Variants in MDGA2 observed in about 807,000 individuals in gnomAD.
The protein encoded by MDGA2 is MAM domain containing glycosylphosphatidylinositol anchor 2.
MDGA2 carries 40 observed loss-of-function variants against 117.8 expected under a neutral mutation model. That is an observed-to-expected ratio of 0.34 (90% confidence interval 0.26 to 0.44). The LOEUF (loss-of-function observed/expected upper bound fraction) is 0.44, where lower values mean the gene tolerates loss of function less well. Among genes scored for constraint, MDGA2 ranks in the 20% least tolerant of loss-of-function variants. The probability of loss-of-function intolerance (pLI) is 1.00; values close to 1 mark genes in which losing one functional copy is unlikely to be tolerated. For missense variants in MDGA2, 1,123 were observed against 1,250.6 expected (o/e 0.90, Z 1.54); for synonymous variants, 452 against 439.0 (o/e 1.03, Z -0.37).
At chr14:47,255,849 A>T (rs1046032597) in intron 2 of MDGA2, among the ~76,000 whole-genome samples, 1 of 151,982 alleles carries the variant, frequency 6.6e-6, no homozygotes, top group Non-Finnish European at 1.5e-5. Context: ...TGTCTGGTAA[A>T]TGAGATCATA....
Position 46,841,700 on chromosome 14 carries a change from T to C in MDGA2, c.*231A>G. The C allele has an allele frequency of 6.7e-6, 2 of 298,644 alleles. No individual in the cohort carries two copies. The highest frequency in any genetic ancestry group is 1.6e-4 in the South Asian group (1 of 6,256). 18.5% of individuals were successfully genotyped at this position (298,644 alleles called of 1,614,324 possible). On this transcript the variant is annotated 3_prime_UTR_variant, in exon 17 of 17. Transcript: ENST00000399232. ...TTAGCCACAAAAGCACCTGAAGGTC[T>C]CTTCTCTACTCAGGTCAAGATTATC...
At chr14:47,103,228 T>A (rs1043487342) in intron 5 of MDGA2, among the ~76,000 whole-genome samples, 1 of 152,228 alleles carries the variant, frequency 6.6e-6, no homozygotes. Context: ...GCTTACAGAT[T>A]CAAGGAATAG....
At chr14:46,964,986 C>G (rs980886552) in intron 8 of MDGA2, among the ~76,000 whole-genome samples, 11 of 111,290 alleles carry the variant, frequency 9.9e-5, no homozygotes, top group African/African-American at 2.6e-4. Flanking sequence ...TGCAGTGGCA[C>G]GATCTCGGCT....
chr14:47,407,371 T>A (rs1027546452), intron 1 of MDGA2, among the ~76,000 whole-genome samples: 1 of 152,180 alleles, frequency 6.6e-6, no homozygotes, highest in Non-Finnish European at 1.5e-5. Flanking sequence ...GGTTTTATTT[T>A]CAGTCATTTT....
At chr14:47,467,805 G>T (rs958268406) in intron 1 of MDGA2, among the ~76,000 whole-genome samples, 2 of 152,022 alleles carry the variant, frequency 1.3e-5, no homozygotes, top group African/African-American at 2.4e-5. Context: ...ATATCATTTT[G>T]TATTATTTAA....
At chr14:47,463,618 TGTAAAGAGAGGG>T (rs1566469903) in intron 1 of MDGA2, among the ~76,000 whole-genome samples, 1 of 152,064 alleles carries the variant, frequency 6.6e-6, no homozygotes, top group African/African-American at 2.4e-5. Context: ...AATTCACATA[TGTAAAGAGAGGG>T]GTAGGGGATT....
At chr14:47,560,802 C>T (rs928617160) in intron 1 of MDGA2, among the ~76,000 whole-genome samples, 17 of 151,928 alleles carry the variant, frequency 1.1e-4, no homozygotes, top group African/African-American at 3.9e-4. Context: ...CCTAGGTAAT[C>T]CTCCAAGGTT....
At position 47,101,764 on chromosome 14, in the gene MDGA2, G is replaced by C. The variant is rs544851928; in HGVS notation, c.926-4641C>G. 2.6e-5 allele frequency among the ~76,000 whole-genome samples: 4 copies of C among 152,242 alleles called. No homozygotes were observed. The East Asian group carries it at 7.7e-4, about 29-fold the overall frequency. On this transcript the variant is annotated intron_variant, in intron 5 of 16. Coordinates refer to ENST00000399232, the MANE Select transcript of MDGA2 (RefSeq NM_001113498.3). ...ATCTCCTAGAATTTAAATTAAGTGG[G>C]AATTCCAAATTGATAAAGTTTTCTG...
intron 6 of MDGA2, among the ~76,000 whole-genome samples, chr14:47,085,438 C>T (rs1027207866): frequency 6.6e-6 from 1 of 152,066 alleles, no homozygotes; most frequent in Non-Finnish European, 1.5e-5. Flanking sequence ...ATGATATTGA[C>T]ACAGATGATC....
At chr14:47,051,855 C>A (rs540571310) in intron 7 of MDGA2, among the ~76,000 whole-genome samples, 1 of 151,956 alleles carries the variant, frequency 6.6e-6, no homozygotes, top group Non-Finnish European at 1.5e-5. Flanking sequence ...GTAGTGTCAT[C>A]TGTGACCATA....
intron 2 of MDGA2, among the ~76,000 whole-genome samples, chr14:47,259,136 C>A (rs1453351041): frequency 4.0e-5 from 6 of 151,664 alleles, no homozygotes; most frequent in Admixed American, 6.6e-5. Flanking sequence ...TGTTGTTTTC[C>A]AAGGAGTAAT....
chr14:47,609,427 T>TCATATATATATATATATA (rs1896799546), intron 1 of MDGA2, among the ~76,000 whole-genome samples: 1 of 6,946 alleles, frequency 1.4e-4, no homozygotes, highest in East Asian at 6.6e-3. Context: ...TAGTATTCCA[T>TCATATATATATATATATA]CATATATATA....
At chr14:46,860,294 C>T (rs2138318894) in intron 14 of MDGA2, among the ~76,000 whole-genome samples, 1 of 152,034 alleles carries the variant, frequency 6.6e-6, no homozygotes, top group East Asian at 1.9e-4. Flanking sequence ...ATATAATCAG[C>T]ACATTTATTA....
At chr14:47,319,508 G>T (rs539223436) in intron 1 of MDGA2, among the ~76,000 whole-genome samples, 4 of 152,194 alleles carry the variant, frequency 2.6e-5, no homozygotes, top group Non-Finnish European at 4.4e-5. Context: ...GCTAACACAT[G>T]CTACTAAACT....
At position 47,674,730 on chromosome 14, in the gene MDGA2, G is replaced by T; in HGVS notation, c.67C>A (p.Arg23=). 1.3e-6 allele frequency: 1 copy of T among 784,950 alleles called. No homozygotes were observed. Among genetic ancestry groups the T allele is most frequent in the Non-Finnish European group, 2.2e-6 (1 of 452,808 alleles). 48.6% of individuals were successfully genotyped at this position (784,950 alleles called of 1,614,324 possible). The change falls in exon 1 of 17, where the codon CGG becomes AGG. Residue 23 remains arginine (R), a synonymous_variant. Coordinates refer to ENST00000399232, the MANE Select transcript of MDGA2 (RefSeq NM_001113498.3). The part of the protein sequence containing the change: ...RRRRRGRTDG[R]RFLLRRAVPG... ...ACCGCTCGCCGAAGGAGGAAGCGCC[G>T]TCCGTCTGTCCTTCCCCGGCGGCGG...
chr14:47,470,253 A>G, intron 1 of MDGA2, among the ~76,000 whole-genome samples: 1 of 128,968 alleles, frequency 7.8e-6, no homozygotes, highest in Admixed American at 9.2e-5. Flanking sequence ...CTCTAATACT[A>G]TCCTTCCCCC....
chr14:47,471,602 A>G (rs2138616325), intron 1 of MDGA2, among the ~76,000 whole-genome samples: 1 of 152,216 alleles, frequency 6.6e-6, no homozygotes, highest in African/African-American at 2.4e-5. Context: ...TTTTGCTTAC[A>G]TGGATTTACT....
intron 1 of MDGA2, among the ~76,000 whole-genome samples, chr14:47,461,575 T>C (rs928147056): frequency 7.9e-5 from 12 of 152,054 alleles, no homozygotes; most frequent in Non-Finnish European, 1.2e-4. Context: ...TCCTCTCCTT[T>C]ACAGGCTCTG....
chr14:46,898,523 G>A (rs1240525108), intron 10 of MDGA2, among the ~76,000 whole-genome samples: 2 of 151,934 alleles, frequency 1.3e-5, no homozygotes, highest in African/African-American at 2.4e-5. Flanking sequence ...AAGTTTGGGA[G>A]GCCACTGAGA....
Sources: gnomAD v4.1 joint callset for allele counts (sites outside exome capture counted in the v4.1 genomes callset) on GRCh38, gnomAD v4.1.1 for gene constraint, MANE v1.5 for transcripts, NCBI Gene and HGNC (gene_info 2026-07-23, HGNC 2026-07-21) for gene names.